The following ABL1 variants were observed in gnomAD, a reference collection of about 807,000 sequenced individuals.
ABL1 encodes the protein tyrosine-protein kinase ABL1.
A neutral mutation model predicts 94.7 loss-of-function variants in ABL1; 11 were observed. The observed-to-expected ratio is 0.12, with a 90% confidence interval of 0.07 to 0.19. ABL1 has a LOEUF of 0.19. ABL1 is among the 10% of genes least tolerant of loss of function. ABL1 has a pLI of 1.00. For synonymous variants in ABL1, 656 were observed against 622.4 expected (o/e 1.05, Z -0.80); for missense variants, 1,082 against 1,489.4 (o/e 0.73, Z 4.50).
In ABL1 at chr9:130,725,842, T is replaced by TTG. The variant is rs1554757012; in HGVS notation, c.136+11388_136+11389insGT. Reference sequence around the variant, plus strand: ...TATGGTGGTTTTTTTTTTTTTTTTTTTTTTTTTTTGAGACAGTCTCACTCT... The same window carrying TTG: ...TATGGTGGTTTTTTTTTTTTTTTTTTTGTTTTTTTTTGAGACAGTCTCACTCT... On this transcript the variant is annotated intron_variant, in intron 1 of 10. Transcript: ENST00000372348. 2.3e-4 allele frequency among the ~76,000 whole-genome samples: 29 copies of TTG among 127,930 alleles called. No individual in the cohort carries two copies. The East Asian group carries it at 3.3e-3, about 15-fold the overall frequency. 83.9% of individuals were successfully genotyped at this position (127,930 alleles called of 152,430 possible). A position where few individuals can be genotyped will look rare whatever the true frequency, so the allele number is the denominator to read the frequency against.
At chr9:130,855,509 A>G (rs1830959588) in intron 3 of ABL1, among the ~76,000 whole-genome samples, 1 of 152,096 alleles carries the variant, frequency 6.6e-6, no homozygotes, top group Admixed American at 6.5e-5. Flanking sequence ...CCCCTCCCCC[A>G]CAGACGCCTG....
chr9:130,815,883 G>A (rs1168876302), intron 1 of ABL1, among the ~76,000 whole-genome samples: 3 of 151,994 alleles, frequency 2.0e-5, no homozygotes, highest in Non-Finnish European at 4.4e-5. Flanking sequence ...TTAGCTGGGC[G>A]TGATGGCGCC....
intron 1 of ABL1, among the ~76,000 whole-genome samples, chr9:130,813,079 G>T (rs1341690902): frequency 1.3e-5 from 2 of 152,124 alleles, no homozygotes; most frequent in Admixed American, 1.3e-4. Flanking sequence ...GCTGTGTGTA[G>T]TGGTGGATAC....
Position 130,885,100 on chromosome 9 carries a change from T to A in ABL1, c.2810T>A (p.Leu937Gln), listed in dbSNP as rs770275661. ...GGCGCAAAGACAAAAGCCACGAGTC[T>A]GGTTGATGCTGTGAACAGTGACGCT... ...VLGAKTKATSLVDAVNSDAAK... is the reference protein window; with the variant it reads ...VLGAKTKATSQVDAVNSDAAK... The change falls in exon 11 of 11, where the codon CTG (leucine) becomes CAG (glutamine). Residue 937 changes from leucine (L) to glutamine (Q), a missense_variant. Leu to Gln is a moderately radical substitution (Grantham distance 113, BLOSUM62 -2). Transcript: ENST00000318560. The A allele has an allele frequency of 6.2e-6, 10 of 1,610,322 alleles. No individual in the cohort carries two copies. The highest frequency in any genetic ancestry group is 1.7e-5 in the Admixed American group (1 of 59,762).
At chr9:130,759,713 G>A (rs1832086198) in intron 1 of ABL1, among the ~76,000 whole-genome samples, 1 of 152,088 alleles carries the variant, frequency 6.6e-6, no homozygotes, top group South Asian at 2.1e-4. Flanking sequence ...AAACTGGCTG[G>A]AGACCATGTC....
At chr9:130,833,799 G>C (rs989209011), upstream of ABL1, among the ~76,000 whole-genome samples, 4 of 152,250 alleles carry the variant, frequency 2.6e-5, no homozygotes, top group African/African-American at 9.6e-5. Flanking sequence ...GCAGAGCCAA[G>C]TGAAGATCTT....
intron 1 of ABL1, among the ~76,000 whole-genome samples, chr9:130,748,062 T>C (rs2855166): frequency 1.3e-5 from 2 of 152,078 alleles, no homozygotes; most frequent in Admixed American, 1.3e-4. Flanking sequence ...GAACTGGCTA[T>C]TGTCGGTATT....
At chr9:130,776,677 A>T (rs1283716766) in intron 1 of ABL1, among the ~76,000 whole-genome samples, 1 of 151,228 alleles carries the variant, frequency 6.6e-6, no homozygotes, top group Admixed American at 6.6e-5. Flanking sequence ...GCCCTGGAGG[A>T]GCTGGGGGGA....
At chr9:130,858,282 G>T (rs1163331363) in intron 3 of ABL1, among the ~76,000 whole-genome samples, 2 of 152,012 alleles carry the variant, frequency 1.3e-5, no homozygotes, top group Non-Finnish European at 2.9e-5. Context: ...TGCAGAATTT[G>T]AGATTCATCC....
rs145218120 is a variant in ABL1 at position 130,784,961 on chromosome 9, T to G, written c.137-69103T>G. Among the ~76,000 whole-genome samples, 220 of 152,336 alleles carry G rather than the reference T, an allele frequency of 1.4e-3. 1 individual carries two copies. The highest frequency in any genetic ancestry group is 5.1e-3 in the African/African-American group (212 of 41,580). ...TTCTCCTAGAGTTTCAATTAGGAAG[T>G]GGGGCAAAAGCCCCAGTGCCTTCCC... is the stretch of plus-strand genomic sequence containing the variant. On this transcript the variant is annotated intron_variant, in intron 1 of 10. Coordinates refer to the ABL1 transcript ENST00000372348.
At chr9:130,751,765 A>G (rs1052174360) in intron 1 of ABL1, among the ~76,000 whole-genome samples, 4 of 152,234 alleles carry the variant, frequency 2.6e-5, no homozygotes, top group Non-Finnish European at 5.9e-5. Flanking sequence ...GTCCTGCCTC[A>G]GAAAACCAAA....
intron 1 of ABL1, among the ~76,000 whole-genome samples, chr9:130,813,168 T>TGGTG: frequency 6.6e-6 from 1 of 151,352 alleles, no homozygotes; most frequent in South Asian, 2.1e-4. Context: ...TGAGCCGAGA[T>TGGTG]TGCACTACTG....
chr9:130,721,822 G>GTTTTTTTTTTTTT (rs746954089), intron 1 of ABL1, among the ~76,000 whole-genome samples: 1 of 120,878 alleles, frequency 8.3e-6, no homozygotes. Flanking sequence ...GTTTTTTTTT[G>GTTTTTTTTTTTTT]TTTTTTTTTT....
intron 1 of ABL1, among the ~76,000 whole-genome samples, chr9:130,818,936 G>A (rs1830323969): frequency 6.6e-6 from 1 of 152,068 alleles, no homozygotes; most frequent in Non-Finnish European, 1.5e-5. Context: ...ACCACTCTGG[G>A]CCCCTGTAGC....
chr9:130,805,006 C>T (rs1344063615), intron 1 of ABL1, among the ~76,000 whole-genome samples: 1 of 152,154 alleles, frequency 6.6e-6, no homozygotes, highest in East Asian at 1.9e-4. Context: ...TTTCTTTTAA[C>T]CTTTTTGTTC....
intron 1 of ABL1, among the ~76,000 whole-genome samples, chr9:130,721,937 T>C (rs1405254522): frequency 6.6e-6 from 1 of 150,564 alleles, no homozygotes; most frequent in Non-Finnish European, 1.5e-5. Context: ...TTCTCTTTCC[T>C]GCCTCAGCCT....
At chr9:130,731,450 T>C (rs1279059892) in intron 1 of ABL1, among the ~76,000 whole-genome samples, 1 of 152,300 alleles carries the variant, frequency 6.6e-6, no homozygotes, top group East Asian at 1.9e-4. Flanking sequence ...TTTCACTCTC[T>C]TACATCTCAT....
chr9:130,761,072 C>T (rs1055684796), intron 1 of ABL1, among the ~76,000 whole-genome samples: 6 of 151,946 alleles, frequency 3.9e-5, no homozygotes, highest in Admixed American at 1.3e-4. Flanking sequence ...CTCAGCCTCC[C>T]GAGTAGCTGG....
At chr9:130,820,036 A>G (rs1830339383) in intron 1 of ABL1, among the ~76,000 whole-genome samples, 2 of 151,764 alleles carry the variant, frequency 1.3e-5, no homozygotes, top group Admixed American at 6.6e-5. Context: ...GTTGGACTTC[A>G]GTCACTGCAG....
Sources: gnomAD v4.1 joint callset for allele counts (sites outside exome capture counted in the v4.1 genomes callset) on GRCh38, gnomAD v4.1.1 for gene constraint, MANE v1.5 for transcripts, NCBI Gene and HGNC (gene_info 2026-07-23, HGNC 2026-07-21) for gene names.